ITSN1: variants seen among roughly 807,000 people sequenced by gnomAD.
ITSN1 encodes the protein intersectin 1, also known as intersectin-1.
ITSN1 carries 58 observed loss-of-function variants against 239.8 expected under a neutral mutation model. That is an observed-to-expected ratio of 0.24 (90% CI 0.20 to 0.30). ITSN1 has a LOEUF of 0.30. ITSN1 is among the 10% of genes least tolerant of loss of function. The pLI is 1.00. For synonymous variants in ITSN1, 780 were observed against 770.8 expected (o/e 1.01, Z -0.20); for missense variants, 1,558 against 2,103.3 (o/e 0.74, Z 5.07).
intron 16 of ITSN1, among the ~76,000 whole-genome samples, chr21:33,782,842 G>A (rs919822982): frequency 2.6e-5 from 4 of 152,004 alleles, no homozygotes; most frequent in Non-Finnish European, 2.9e-5. Context: ...TGGCTAACAC[G>A]GTGAAACCCC....
chr21:33,762,210 C>T (rs1360364435), intron 9 of ITSN1, among the ~76,000 whole-genome samples: 2 of 151,810 alleles, frequency 1.3e-5, no homozygotes, highest in African/African-American at 4.8e-5. Context: ...AGTGATAATA[C>T]AACTTAACAA....
intron 14 of ITSN1, among the ~76,000 whole-genome samples, chr21:33,776,560 A>C: frequency 6.9e-6 from 1 of 145,228 alleles, no homozygotes; most frequent in African/African-American, 2.7e-5. Flanking sequence ...AAAAAAAAAA[A>C]AGAGAGAGAA....
intron 1 of ITSN1, among the ~76,000 whole-genome samples, chr21:33,688,819 T>C (rs1195488340): frequency 6.6e-6 from 1 of 152,020 alleles, no homozygotes; most frequent in Non-Finnish European, 1.5e-5. Context: ...TTTCTTTTTT[T>C]TTTTGAGATG....
chr21:33,846,440 C>T (rs145023485), intron 29 of ITSN1, among the ~76,000 whole-genome samples: 28 of 152,332 alleles, frequency 1.8e-4, no homozygotes, highest in African/African-American at 5.8e-4. Flanking sequence ...GGAGGCAGGG[C>T]CCAAATCTTG....
At chr21:33,839,508 G>C (rs2074752166) in intron 29 of ITSN1, among the ~76,000 whole-genome samples, 1 of 152,174 alleles carries the variant, frequency 6.6e-6, no homozygotes, top group Admixed American at 6.5e-5. Flanking sequence ...GGTGGGCGGG[G>C]AGATCCTTCT....
intron 5 of ITSN1, among the ~76,000 whole-genome samples, chr21:33,737,885 A>C (rs1487726644): frequency 6.6e-6 from 1 of 152,108 alleles, no homozygotes; most frequent in African/African-American, 2.4e-5. Context: ...CTTTCTAATT[A>C]ATATTGAAAA....
At chr21:33,661,241 T>TAAA (rs35668241) in intron 1 of ITSN1, among the ~76,000 whole-genome samples, 1 of 150,120 alleles carries the variant, frequency 6.7e-6, no homozygotes, top group African/African-American at 2.4e-5. Context: ...CGAGTTCCTG[T>TAAA]AAAAAAAAAA....
chr21:33,728,757 T>G (rs965731771), intron 4 of ITSN1, among the ~76,000 whole-genome samples: 12 of 152,266 alleles, frequency 7.9e-5, no homozygotes, highest in Admixed American at 6.5e-5. Flanking sequence ...CTTATCACCA[T>G]GTAAAATAAT....
intron 16 of ITSN1, among the ~76,000 whole-genome samples, chr21:33,790,551 C>T (rs1378549514): frequency 2.6e-5 from 4 of 151,896 alleles, no homozygotes; most frequent in Non-Finnish European, 5.9e-5. Context: ...GATTAATATC[C>T]ATCCAAGAAA....
chr21:33,647,839 AGTTT>A (rs2088120371), intron 1 of ITSN1, among the ~76,000 whole-genome samples: 1 of 152,130 alleles, frequency 6.6e-6, no homozygotes, highest in African/African-American at 2.4e-5. Flanking sequence ...ATTAGACATT[AGTTT>A]GTTTATTTTT....
chr21:33,679,681 G>GT (rs1166922832), intron 1 of ITSN1, among the ~76,000 whole-genome samples: 1 of 114,992 alleles, frequency 8.7e-6, no homozygotes, highest in African/African-American at 3.2e-5. Flanking sequence ...TTTTTTGTGT[G>GT]TTTTTTGATC....
chr21:33,661,283 C>T (rs1399590170), intron 1 of ITSN1, among the ~76,000 whole-genome samples: 2 of 152,082 alleles, frequency 1.3e-5, no homozygotes, highest in East Asian at 3.9e-4. Context: ...CAAATGATTG[C>T]ACAGTGATTT....
chr21:33,652,087 T>C (rs1004850924), intron 1 of ITSN1, among the ~76,000 whole-genome samples: 6 of 151,384 alleles, frequency 4.0e-5, no homozygotes, highest in Non-Finnish European at 5.9e-5. Flanking sequence ...TAATGACTGT[T>C]AATACCCTGT....
chr21:33,739,962 G>A (rs558460072), intron 5 of ITSN1, among the ~76,000 whole-genome samples: 1 of 152,302 alleles, frequency 6.6e-6, no homozygotes, highest in South Asian at 2.1e-4. Flanking sequence ...TTTATATCTG[G>A]TGGTGATAAT....
intron 12 of ITSN1, among the ~76,000 whole-genome samples, chr21:33,773,228 G>A (rs1321940886): frequency 2.0e-5 from 3 of 151,904 alleles, no homozygotes; most frequent in Non-Finnish European, 2.9e-5. Context: ...GGCTGATCTC[G>A]AGCTCCTGAC....
chr21:33,835,151 G>A (rs115823271), intron 28 of ITSN1, among the ~76,000 whole-genome samples: 3,955 of 152,252 alleles, frequency 0.026, 172 homozygotes, highest in African/African-American at 0.088. Context: ...TATCTGTGCT[G>A]TATGTACCCA....
intron 27 of ITSN1, among the ~76,000 whole-genome samples, chr21:33,831,312 G>C (rs943929746): frequency 6.6e-6 from 1 of 152,182 alleles, no homozygotes; most frequent in African/African-American, 2.4e-5. Context: ...TGTTGAACGT[G>C]GGCCTCTGCG....
intron 1 of ITSN1, among the ~76,000 whole-genome samples, chr21:33,693,055 C>T (rs1393450686): frequency 6.6e-5 from 10 of 152,144 alleles, no homozygotes; most frequent in East Asian, 5.8e-4. Context: ...CCTCGCCTCC[C>T]GAAGTGCTGG....
intron 5 of ITSN1, among the ~76,000 whole-genome samples, chr21:33,748,671 C>T (rs1486066836): frequency 6.6e-6 from 1 of 151,072 alleles, no homozygotes; most frequent in Non-Finnish European, 1.5e-5. Flanking sequence ...AAGACCTCAT[C>T]TCTACCGCCC....
Sources: gnomAD v4.1 joint callset for allele counts (sites outside exome capture counted in the v4.1 genomes callset) on GRCh38, gnomAD v4.1.1 for gene constraint, MANE v1.5 for transcripts, NCBI Gene and HGNC (gene_info 2026-07-23, HGNC 2026-07-21) for gene names.